Variants in NLGN4Y observed in about 807,000 individuals in gnomAD.
NLGN4Y encodes neuroligin-4, Y-linked.
Under a neutral mutation model 8.4 loss-of-function variants are expected in NLGN4Y, and 4 were observed. The observed-to-expected ratio is 0.48, with a 90% CI of 0.23 to 1.09. The LOEUF is 1.09. Ranked by LOEUF, NLGN4Y falls within the 50% of genes least tolerant of loss-of-function variation. The probability of loss-of-function intolerance (pLI) is 0.19; values close to 1 mark genes in which losing one functional copy is unlikely to be tolerated. For synonymous variants in NLGN4Y, 35 were observed against 75.6 expected (o/e 0.46, Z 2.78); for missense variants, 90 against 192.3 (o/e 0.47, Z 3.15).
At chrY:14,763,446 A>T in intron 4 of NLGN4Y, among the ~76,000 whole-genome samples, 1 of 32,801 alleles carries the variant, frequency 3.0e-5, no homozygotes, top group Non-Finnish European at 7.5e-5. Context: ...TCAGATAGGA[A>T]ACCCCCCTTG....
At chrY:14,741,702 C>A in intron 4 of NLGN4Y, among the ~76,000 whole-genome samples, 2 of 34,328 alleles carry the variant, frequency 5.8e-5, no homozygotes, top group Non-Finnish European at 1.5e-4. Flanking sequence ...GTAAAGAATG[C>A]CAGATTTTCA....
At chrY:14,692,974 A>G (rs2080816260) in intron 2 of NLGN4Y, among the ~76,000 whole-genome samples, 1 of 32,763 alleles carries the variant, frequency 3.1e-5, no homozygotes, top group Non-Finnish European at 7.5e-5. Context: ...GTGACTTAGG[A>G]AAGGTTCTGA....
chrY:14,625,179 C>T (rs2080523591), intron 2 of NLGN4Y, among the ~76,000 whole-genome samples: 1 of 32,987 alleles, frequency 3.0e-5, no homozygotes, highest in Admixed American at 2.8e-4. Context: ...AATTGTTTTT[C>T]GGTAGAAAGC....
chrY:14,829,017 T>TA (rs1161427138), intron 5 of NLGN4Y, among the ~76,000 whole-genome samples: 91 of 25,804 alleles, frequency 3.5e-3, no homozygotes, highest in Middle Eastern at 0.02. Flanking sequence ...GGCAAAAAAA[T>TA]AAAAAAAAAA....
chrY:14,595,181 G>T (rs2150494074), intron 1 of NLGN4Y, among the ~76,000 whole-genome samples: 1 of 32,930 alleles, frequency 3.0e-5, no homozygotes, highest in African/African-American at 1.2e-4. Flanking sequence ...GAGGGAGAAG[G>T]GGACATATAC....
chrY:14,694,141 T>C (rs2080820176), intron 2 of NLGN4Y, among the ~76,000 whole-genome samples: 1 of 33,791 alleles, frequency 3.0e-5, no homozygotes, highest in African/African-American at 1.2e-4. Context: ...AGAAATGACT[T>C]ACCAGAATTT....
chrY:14,680,906 T>C (rs2080766533), intron 2 of NLGN4Y, among the ~76,000 whole-genome samples: 1 of 33,584 alleles, frequency 3.0e-5, no homozygotes, highest in East Asian at 8.1e-4. Flanking sequence ...GCAAGACTTA[T>C]CTGCTTTAGT....
At chrY:14,558,751 C>A in intron 1 of NLGN4Y, among the ~76,000 whole-genome samples, 1 of 33,173 alleles carries the variant, frequency 3.0e-5, no homozygotes, top group Non-Finnish European at 7.4e-5. Context: ...TAGATGTCCA[C>A]AAAATATTTA....
At chrY:14,770,887 C>A in intron 4 of NLGN4Y, among the ~76,000 whole-genome samples, 3 of 33,442 alleles carry the variant, frequency 9.0e-5, no homozygotes, top group Non-Finnish European at 1.5e-4. Context: ...AAAAACACAG[C>A]ATGAGAACTT....
At chrY:14,748,559 A>C in intron 4 of NLGN4Y, 1 of 172,934 alleles carries the variant, frequency 5.8e-6, no homozygotes, top group Non-Finnish European at 1.1e-5. Flanking sequence ...CTCTATCCTC[A>C]CGGATTTTCT....
intron 4 of NLGN4Y, among the ~76,000 whole-genome samples, chrY:14,778,075 A>AAC (rs2081133734): frequency 9.7e-5 from 3 of 30,859 alleles, no homozygotes; most frequent in Admixed American, 9.3e-4. Context: ...AAATAAATAA[A>AAC]TAACTATGTA....
At chrY:14,716,342 TA>T (rs2080915377) in intron 2 of NLGN4Y, among the ~76,000 whole-genome samples, 1 of 33,435 alleles carries the variant, frequency 3.0e-5, no homozygotes, top group African/African-American at 1.2e-4. Context: ...CTTCAATTTA[TA>T]GTCAACAAGT....
chrY:14,797,697 A>G (rs774636599), intron 4 of NLGN4Y, among the ~76,000 whole-genome samples: 28 of 33,872 alleles, frequency 8.3e-4, no homozygotes, highest in African/African-American at 3.1e-3. Context: ...ACATCAAGGG[A>G]TTTGTTGACA....
chrY:14,669,356 T>C, intron 2 of NLGN4Y, among the ~76,000 whole-genome samples: 2 of 33,558 alleles, frequency 6.0e-5, no homozygotes, highest in South Asian at 1.3e-3. Flanking sequence ...TTCTTAAATC[T>C]GATTACTTTC....
intron 2 of NLGN4Y, among the ~76,000 whole-genome samples, chrY:14,673,522 G>T: frequency 3.0e-5 from 1 of 33,543 alleles, no homozygotes; most frequent in African/African-American, 1.2e-4. Flanking sequence ...TAAAACGTCA[G>T]GAAATAACAG....
At chrY:14,597,851 T>C (rs779962021) in intron 1 of NLGN4Y, among the ~76,000 whole-genome samples, 3 of 29,723 alleles carry the variant, frequency 1.0e-4, no homozygotes, top group Non-Finnish European at 2.6e-4. Flanking sequence ...CTGAGCTAGA[T>C]ATAAAGACTC....
chrY:14,693,316 A>G (rs2080817236), intron 2 of NLGN4Y, among the ~76,000 whole-genome samples: 1 of 33,545 alleles, frequency 3.0e-5, no homozygotes, highest in Admixed American at 2.7e-4. Flanking sequence ...TGTTCTGTTG[A>G]TCTGCTGGGA....
At chrY:14,649,650 T>C (rs1603502044) in intron 2 of NLGN4Y, among the ~76,000 whole-genome samples, 3 of 33,931 alleles carry the variant, frequency 8.8e-5, no homozygotes, top group East Asian at 1.6e-3. Context: ...AAATATAGCT[T>C]ACAATAATTA....
chrY:14,800,843 T>C (rs748798883), intron 4 of NLGN4Y, among the ~76,000 whole-genome samples: 5 of 31,664 alleles, frequency 1.6e-4, no homozygotes, highest in African/African-American at 3.6e-4. Flanking sequence ...AGAAACAATA[T>C]AAACACAAAA....
Sources: gnomAD v4.1 joint callset for allele counts (sites outside exome capture counted in the v4.1 genomes callset) on GRCh38, gnomAD v4.1.1 for gene constraint, MANE v1.5 for transcripts, NCBI Gene and HGNC (gene_info 2026-07-23, HGNC 2026-07-21) for gene names.